DNAH3: variants seen among roughly 807,000 people sequenced by gnomAD.
DNAH3 encodes the protein dynein axonemal heavy chain 3, also known as axonemal beta dynein heavy chain 3.
A neutral mutation model predicts 432.5 loss-of-function variants in DNAH3; 332 were observed. That is an observed-to-expected ratio of 0.77 (90% CI 0.70 to 0.84). The LOEUF (loss-of-function observed/expected upper bound fraction) is 0.84. Ranked by LOEUF, DNAH3 falls within the 40% of genes least tolerant of loss-of-function variation. The pLI, the probability that DNAH3 is intolerant of heterozygous loss-of-function variation, is 0.00. For missense variants in DNAH3, 4,861 were observed against 5,114.0 expected, an observed-to-expected ratio of 0.95 and a Z score of 1.51; for synonymous variants, 1,956 against 1,900.2, an observed-to-expected ratio of 1.03 and a Z score of -0.76.
At chr16:21,070,938 G>A in intron 21 of DNAH3, 112 bp from the exon 22 acceptor site, 1 of 679,242 alleles carries the variant, frequency 1.5e-6, no homozygotes, top group Non-Finnish European at 2.6e-6. Context: ...AGGCCTGAGT[G>A]CAATGGCTCA....
intron 41 of DNAH3, among the ~76,000 whole-genome samples, chr16:21,010,523 A>G (rs993908171): frequency 6.6e-6 from 1 of 152,168 alleles, no homozygotes; most frequent in African/African-American, 2.4e-5. Flanking sequence ...TGAGCCCAAC[A>G]TTGACAGAAT....
intron 47 of DNAH3, among the ~76,000 whole-genome samples, chr16:20,986,715 G>A (rs931603889): frequency 6.6e-6 from 1 of 152,088 alleles, no homozygotes; most frequent in Non-Finnish European, 1.5e-5. Flanking sequence ...CCTGGAGTAG[G>A]AACGTTTTAG....
exon 54 of DNAH3, chr16:20,959,252 C>A (rs760935801): frequency 1.2e-6 from 2 of 1,614,176 alleles, no homozygotes; most frequent in East Asian, 4.5e-5. Context: ...ATCCAGCTTG[C>A]GGCCAGGTGG....
chr16:21,059,591 ATGGTG>A (rs2090270952), intron 26 of DNAH3, among the ~76,000 whole-genome samples: 1 of 152,174 alleles, frequency 6.6e-6, no homozygotes, highest in Admixed American at 6.5e-5. Context: ...CCTGGCCAAC[ATGGTG>A]AAACCACATC....
intron 16 of DNAH3, among the ~76,000 whole-genome samples, chr16:21,102,602 G>A (rs768720375): frequency 9.2e-5 from 14 of 152,154 alleles, no homozygotes; most frequent in Non-Finnish European, 1.8e-4. Context: ...GTCTCAAAAA[G>A]ATGAGCCTTC....
chr16:20,976,841 G>C (rs1411258455), intron 50 of DNAH3, among the ~76,000 whole-genome samples: 2 of 152,206 alleles, frequency 1.3e-5, no homozygotes, highest in African/African-American at 4.8e-5. Context: ...GCCCCCACCA[G>C]ACAGTGGATC....
chr16:21,133,645 C>T (rs1285835353), intron 7 of DNAH3, among the ~76,000 whole-genome samples: 1 of 150,870 alleles, frequency 6.6e-6, no homozygotes, highest in South Asian at 2.1e-4. Flanking sequence ...GAGGTTGAGA[C>T]AGGAGAATCG....
intron 12 of DNAH3, 47 bp downstream of exon 12, chr16:21,117,156 T>C (rs749401849): frequency 1.5e-6 from 2 of 1,346,114 alleles, no homozygotes; most frequent in Non-Finnish European, 2.1e-6. Context: ...GAACACCAAA[T>C]CAATCCCAAA....
At chr16:21,137,793 A>C (rs2092664366) in intron 5 of DNAH3, among the ~76,000 whole-genome samples, 1 of 152,214 alleles carries the variant, frequency 6.6e-6, no homozygotes, top group Admixed American at 6.5e-5. Flanking sequence ...TGAAACAAAA[A>C]TGGCCAGTGG....
chr16:20,978,239 G>T (rs2152654103), intron 50 of DNAH3, among the ~76,000 whole-genome samples: 1 of 152,148 alleles, frequency 6.6e-6, no homozygotes, highest in Non-Finnish European at 1.5e-5. Flanking sequence ...TTTTTTAAAG[G>T]GACAAGGTGG....
exon 48 of DNAH3, chr16:20,985,710 A>G: frequency 3.1e-6 from 5 of 1,611,754 alleles, no homozygotes; most frequent in Non-Finnish European, 4.2e-6. Flanking sequence ...ACAAGTGGAT[A>G]AGCACCTGTA....
chr16:21,075,233 T>A lies in DNAH3; in HGVS notation c.3084+214A>T, dbSNP rs192485732. Reference sequence around the variant, plus strand: ...CACTGAGAAAGCCTCTTGCTCTGAATCAAAAGACTTGTCTGATTTGAAGAA... The same window carrying A: ...CACTGAGAAAGCCTCTTGCTCTGAAACAAAAGACTTGTCTGATTTGAAGAA... On this transcript the variant is annotated intron_variant, in intron 21 of 61. Transcript: ENST00000261383. Among the ~76,000 whole-genome samples, 3 of 152,218 alleles carry A rather than the reference T, an allele frequency of 2.0e-5. No homozygotes were observed. The East Asian group carries it at 5.8e-4, about 29-fold the overall frequency.
chr16:21,098,638 T>C, exon 17 of DNAH3: 1 of 1,613,260 alleles, frequency 6.2e-7, no homozygotes, highest in Non-Finnish European at 8.5e-7. Flanking sequence ...AAACGCCCGA[T>C]TTAGGTTCTT....
intron 1 of DNAH3, chr16:21,150,428 A>G: frequency 2.4e-6 from 1 of 409,910 alleles, no homozygotes; most frequent in South Asian, 1.8e-5. Context: ...ACTTCCTTAT[A>G]GCATAATGGG....
chr16:21,107,773 C>T (rs570384038), intron 14 of DNAH3, among the ~76,000 whole-genome samples: 4 of 152,242 alleles, frequency 2.6e-5, no homozygotes, highest in African/African-American at 7.2e-5. Flanking sequence ...GCAAATCATC[C>T]GCAATACGTC....
intron 41 of DNAH3, among the ~76,000 whole-genome samples, chr16:21,003,691 C>G (rs1438683922): frequency 6.6e-6 from 1 of 152,178 alleles, no homozygotes; most frequent in African/African-American, 2.4e-5. Context: ...AGGAGGATCA[C>G]TCAAACCCAG....
intron 1 of DNAH3, among the ~76,000 whole-genome samples, chr16:21,155,544 C>T (rs1385948470): frequency 6.7e-6 from 1 of 150,336 alleles, no homozygotes; most frequent in Non-Finnish European, 1.5e-5. Context: ...ATCATTTGAA[C>T]CCAGGAGGTG....
intron 53 of DNAH3, 115 bp downstream of exon 53, chr16:20,963,169 C>T: frequency 9.8e-7 from 1 of 1,022,152 alleles, no homozygotes. Context: ...GCCTATGAAC[C>T]ACCTGGCCTT....
At chr16:20,934,257 G>C (rs1156398002) in intron 61 of DNAH3, among the ~76,000 whole-genome samples, 1 of 152,092 alleles carries the variant, frequency 6.6e-6, no homozygotes, top group Non-Finnish European at 1.5e-5. Context: ...AATAGGAAAA[G>C]GCTATTGATT....
Sources: gnomAD v4.1 joint callset for allele counts (sites outside exome capture counted in the v4.1 genomes callset) on GRCh38, gnomAD v4.1.1 for gene constraint, MANE v1.5 for transcripts, NCBI Gene and HGNC (gene_info 2026-07-23, HGNC 2026-07-21) for gene names.